The following FAM53A variants were observed in gnomAD, a reference collection of about 807,000 sequenced individuals.
FAM53A encodes family with sequence similarity 53 member A, also known as protein FAM53A.
FAM53A carries 28 observed loss-of-function variants against 26.6 expected under a neutral mutation model. That is an observed-to-expected ratio of 1.05 (90% CI 0.78 to 1.45). FAM53A has a LOEUF of 1.45. Ranked by LOEUF, FAM53A falls within the 40% of genes most tolerant of loss-of-function variation. FAM53A has a pLI of 0.00. For synonymous variants in FAM53A, 290 were observed against 253.1 expected, an observed-to-expected ratio of 1.15 and a Z score of -1.38; for missense variants, 650 against 575.8, an observed-to-expected ratio of 1.13 and a Z score of -1.32.
At chr4:1,624,180 T>C (rs1421898452) in intron 1 of FAM53A, among the ~76,000 whole-genome samples, 1 of 152,218 alleles carries the variant, frequency 6.6e-6, no homozygotes, top group Non-Finnish European at 1.5e-5. Flanking sequence ...GGCATGGGCA[T>C]GGGCCACGAC....
intron 1 of FAM53A, chr4:1,683,693 C>G (rs1347177250): frequency 6.6e-6 from 1 of 152,218 alleles, no homozygotes; most frequent in East Asian, 1.9e-4. Flanking sequence ...CGAAAACTCA[C>G]GAGGCCACTT....
chr4:1,609,093 T>A, the FAM53A span, among the ~76,000 whole-genome samples: 1 of 152,088 alleles, frequency 6.6e-6, no homozygotes. Flanking sequence ...CCCTGGCTCC[T>A]GCTCAGGAGC....
At chr4:1,654,191 C>T (rs980253158) in intron 4 of FAM53A, among the ~76,000 whole-genome samples, 15 of 152,232 alleles carry the variant, frequency 9.9e-5, no homozygotes, top group Non-Finnish European at 1.9e-4. Flanking sequence ...CTGCCCAAAG[C>T]TTCCCCGACA....
At chr4:1,654,573 G>C (rs540733204) in intron 4 of FAM53A, among the ~76,000 whole-genome samples, 3 of 152,228 alleles carry the variant, frequency 2.0e-5, no homozygotes, top group East Asian at 1.9e-4. Flanking sequence ...GCTCTGCCTC[G>C]AATGGGGCTC....
chr4:1,599,986 C>T, the FAM53A span, among the ~76,000 whole-genome samples: 1 of 152,070 alleles, frequency 6.6e-6, no homozygotes, highest in African/African-American at 2.4e-5. This position sits in a 1 kb window ranked among gnomAD's most constrained non-coding sequence, Gnocchi z 6.1. Context: ...GCAGGCCCCA[C>T]CACGTGTGAC....
intron 1 of FAM53A, among the ~76,000 whole-genome samples, chr4:1,626,059 A>G (rs2108757703): frequency 6.6e-6 from 1 of 152,278 alleles, no homozygotes; most frequent in Middle Eastern, 3.4e-3. Flanking sequence ...GCTGCCTGCC[A>G]GGGTGCAGGG....
intron 1 of FAM53A, among the ~76,000 whole-genome samples, chr4:1,620,010 C>T (rs1383515261): frequency 6.6e-6 from 1 of 151,978 alleles, no homozygotes; most frequent in Non-Finnish European, 1.5e-5. Flanking sequence ...GAGTTCGAGA[C>T]CAGCCTGGCC....
chr4:1,639,684 G>T (rs1260992992), downstream of FAM53A, among the ~76,000 whole-genome samples: 1 of 152,174 alleles, frequency 6.6e-6, no homozygotes, highest in Non-Finnish European at 1.5e-5. Context: ...AGGCAGGAGG[G>T]TCACCCGAGA....
downstream of FAM53A, among the ~76,000 whole-genome samples, chr4:1,636,584 C>T (rs1715849526): frequency 6.6e-6 from 1 of 152,236 alleles, no homozygotes; most frequent in African/African-American, 2.4e-5. Flanking sequence ...CTGGCTCACT[C>T]GTCCCTCAGG....
intron 1 of FAM53A, among the ~76,000 whole-genome samples, chr4:1,676,444 T>TG (rs996340593): frequency 3.0e-4 from 46 of 151,988 alleles, no homozygotes; most frequent in South Asian, 1.9e-3. Flanking sequence ...TCTGAAGTAC[T>TG]GGGGGGGGTC....
chr4:1,644,124 C>A, intron 4 of FAM53A: 1 of 1,504,406 alleles, frequency 6.6e-7, no homozygotes, highest in Non-Finnish European at 8.9e-7. Flanking sequence ...CACAGGATGG[C>A]CTCCAATCCA....
chr4:1,627,754 G>A (rs1361333248), intron 1 of FAM53A, among the ~76,000 whole-genome samples: 2 of 152,046 alleles, frequency 1.3e-5, no homozygotes, highest in Non-Finnish European at 2.9e-5. Flanking sequence ...CCACCCCCTT[G>A]CCCTCTGGCA....
chr4:1,668,768 C>T lies in FAM53A; in HGVS notation c.-27G>A. 1 of 1,609,854 alleles carries T rather than the reference C, an allele frequency of 6.2e-7. No individual in the cohort carries two copies. The highest frequency in any genetic ancestry group is 8.5e-7 in the Non-Finnish European group (1 of 1,176,422). ...GTCGGGGCCCCGTGTCCTCCGTCCA[C>T]ACCAACAGGCACTGGAGTCCTGGAA... is the stretch of plus-strand genomic sequence containing the variant. On this transcript the variant is annotated 5_prime_UTR_variant, in exon 2 of 5. It adds an upstream start codon to the 5' untranslated region. Coordinates refer to ENST00000308132, the MANE Select transcript of FAM53A (RefSeq NM_001174070.3).
At chr4:1,577,948 G>A in the FAM53A span, among the ~76,000 whole-genome samples, 2 of 150,784 alleles carry the variant, frequency 1.3e-5, no homozygotes, top group Admixed American at 6.6e-5. Flanking sequence ...CAGGTGGGGG[G>A]CTGTGGGGGT....
rs192598810 is a variant in FAM53A at position 1,682,409 on chromosome 4, C to T, written c.-165+1824G>A. On this transcript the variant is annotated intron_variant, in intron 1 of 4. Transcript: ENST00000308132. ...TCCCGAGTAGCTGGGATTACAGGCA[C>T]GCACCACCACACCCAGTTAATTTTT... Among the ~76,000 whole-genome samples the T allele has an allele frequency of 1.6e-3, 239 of 151,872 alleles. 2 individuals carry two copies. The highest frequency in any genetic ancestry group is 5.3e-3 in the African/African-American group (220 of 41,414).
At chr4:1,677,741 C>G (rs1715140174) in intron 1 of FAM53A, among the ~76,000 whole-genome samples, 1 of 152,076 alleles carries the variant, frequency 6.6e-6, no homozygotes, top group African/African-American at 2.4e-5. Flanking sequence ...AGAACTCACC[C>G]TGAGACCAGC....
At chr4:1,675,506 C>T (rs1714982171) in intron 1 of FAM53A, among the ~76,000 whole-genome samples, 1 of 152,174 alleles carries the variant, frequency 6.6e-6, no homozygotes, top group Non-Finnish European at 1.5e-5. Flanking sequence ...ATTAAGTCGC[C>T]GTCCTCGCTC....
In FAM53A at chr4:1,618,240, T is replaced by G. The variant is rs933843638; in HGVS notation, c.432-129A>C. 2.3e-5 allele frequency: 10 copies of G among 437,004 alleles called. No individual in the cohort carries two copies. The East Asian group carries it at 7.1e-4, about 31-fold the overall frequency. The allele number at this position is 437,004 out of a possible 1,614,324, so 27.1% of individuals were successfully genotyped here. A position where few individuals can be genotyped will look rare whatever the true frequency, so the allele number is the denominator to read the frequency against. ...GCCCGAAGGCCCATCACGGCAGGGG[T>G]GCATCCAGGCTGTGGCCCCCAGGTG... On this transcript the variant is annotated intron_variant, in intron 1 of 1. Coordinates refer to the FAM53A transcript ENST00000489029.
the FAM53A span, among the ~76,000 whole-genome samples, chr4:1,584,337 T>G: frequency 6.6e-6 from 1 of 152,346 alleles, no homozygotes; most frequent in Admixed American, 6.5e-5. Context: ...GAATCTCTTA[T>G]GTTTAGGTTT....
Sources: allele counts gnomAD v4.1 joint callset (sites outside exome capture counted in the v4.1 genomes callset), GRCh38; gene constraint gnomAD v4.1.1; non-coding constraint Gnocchi (gnomAD v3.1); transcripts MANE v1.5; gene names NCBI Gene and HGNC (gene_info 2026-07-23, HGNC 2026-07-21).